MPDZ: variants seen among roughly 807,000 people sequenced by gnomAD.
MPDZ encodes the protein multiple PDZ domain protein.
Under a neutral mutation model 239.1 loss-of-function variants are expected in MPDZ, and 234 were observed. That is an observed-to-expected ratio of 0.98 (90% CI 0.88 to 1.09). MPDZ has a LOEUF of 1.09. Ranked by LOEUF, MPDZ falls within the 50% of genes least tolerant of loss-of-function variation. The probability of loss-of-function intolerance (pLI) is 0.00; values close to 1 mark genes in which losing one functional copy is unlikely to be tolerated. For missense variants in MPDZ, 3,175 were observed against 2,510.0 expected, an observed-to-expected ratio of 1.26 and a Z score of -5.66; for synonymous variants, 1,048 against 881.3, an observed-to-expected ratio of 1.19 and a Z score of -3.35.
At chr9:13,218,722 T>C (rs1958678952) in intron 8 of MPDZ, among the ~76,000 whole-genome samples, 3 of 152,018 alleles carry the variant, frequency 2.0e-5, no homozygotes, top group South Asian at 4.1e-4. Context: ...TTTACATCTA[T>C]GGGAAAAGAA....
At chr9:13,148,192 G>C (rs1272873082) in intron 25 of MPDZ, among the ~76,000 whole-genome samples, 2 of 152,056 alleles carry the variant, frequency 1.3e-5, no homozygotes, top group East Asian at 3.9e-4. Flanking sequence ...CAGTAGATAT[G>C]ACAGGAGCTG....
chr9:13,219,552 TACTTACCCGCA>T lies in MPDZ; in HGVS notation c.1082_1086+6del. ...GACTTTCACATTAACTACTCTTAAC[TACTTACCCGCA>T]ACTCTGGTGTTGAAGTTGGGGATGA... On this transcript the variant is annotated splice_donor_variant and splice_donor_5th_base_variant and coding_sequence_variant and intron_variant, in exon 8 of 47. Coordinates refer to ENST00000319217, the MANE Select transcript of MPDZ (RefSeq NM_001378778.1). LOFTEE classifies it high-confidence loss of function. 6.2e-7 allele frequency: 1 copy of T among 1,610,686 alleles called. No individual in the cohort carries two copies.
intron 3 of MPDZ, among the ~76,000 whole-genome samples, chr9:13,240,777 T>C (rs1426249587): frequency 1.3e-5 from 2 of 151,952 alleles, no homozygotes; most frequent in African/African-American, 4.8e-5. Flanking sequence ...GCAAAGTCTA[T>C]AGCACATAAG....
At position 13,137,065 on chromosome 9, in the gene MPDZ, C is replaced by A. The variant is rs549268956; in HGVS notation, c.4201-262G>T. ...GATAAAGAGGCACCACTTGGACCAA[C>A]TGCAGGAGAGTAGACAACAAATTTC... is the stretch of plus-strand genomic sequence containing the variant. On this transcript the variant is annotated intron_variant, in intron 29 of 46. Transcript: ENST00000319217. 8.5e-5 allele frequency among the ~76,000 whole-genome samples: 13 copies of A among 152,266 alleles called. 1 individual carries two copies. In the South Asian group the frequency reaches 1.7e-3, roughly 19 times the overall value.
Position 13,119,456 on chromosome 9 carries a change from T to A in MPDZ, c.5379+46A>T, listed in dbSNP as rs1943994837. The A allele has an allele frequency of 1.9e-6, 3 of 1,565,394 alleles. No individual in the cohort carries two copies. The African/African-American group carries it at 4.1e-5, about 22-fold the overall frequency. ...TGATAGCCCAATGTTAAAATTATCTTTTTTCTTCTACGCTATTACACAGAA... is the reference window on the plus strand; with the variant it reads ...TGATAGCCCAATGTTAAAATTATCTATTTTCTTCTACGCTATTACACAGAA... On this transcript the variant is annotated intron_variant, in intron 39 of 46. Coordinates refer to ENST00000319217, the MANE Select transcript of MPDZ (RefSeq NM_001378778.1).
At chr9:13,159,395 G>C (rs982317503) in intron 23 of MPDZ, among the ~76,000 whole-genome samples, 1 of 152,116 alleles carries the variant, frequency 6.6e-6, no homozygotes, top group Non-Finnish European at 1.5e-5. Flanking sequence ...TCTGACACTA[G>C]GGTAGGACTG....
rs1230672361 is a variant in MPDZ at position 13,183,581 on chromosome 9, C to A, written c.2486G>T (p.Gly829Val). The stretch of plus-strand genomic sequence containing the variant: ...ATCTACTAAGTCAGCATCATTTGTG[C>A]CCACCTAGAAACAAAACAATAATAT... ...PLFRADLALVGTNDADLVDES... is the reference protein window; with the variant it reads ...PLFRADLALVVTNDADLVDES... Residue 829 changes from glycine (G) to valine (V), a missense_variant, in exon 19 of 47, where the codon GGC (glycine) becomes GTC (valine). By Grantham distance (109) the Gly-to-Val change is moderately radical. Transcript: ENST00000319217. 1 of 1,611,336 alleles carries A rather than the reference C, an allele frequency of 6.2e-7. No homozygotes were observed. The highest frequency in any genetic ancestry group is 8.5e-7 in the Non-Finnish European group (1 of 1,178,532).
At chr9:13,223,844 C>G (rs1959630027) in intron 4 of MPDZ, 134 bp from the exon 5 acceptor site, 1 of 843,648 alleles carries the variant, frequency 1.2e-6, no homozygotes, top group Non-Finnish European at 1.7e-6. Flanking sequence ...CCAGACTGGG[C>G]TACATAATGT....
In MPDZ at chr9:13,109,094, T is replaced by C. The variant is rs191600957; in HGVS notation, c.5943-35A>G. On this transcript the variant is annotated intron_variant, in intron 45 of 46. Transcript: ENST00000319217. ...AGGAAAGGAAAAAGAGGTTTTAAAT[T>C]AAAAAAAAAAAACTATACATATATG... The C allele has an allele frequency of 2.4e-4, 232 of 984,198 alleles. No homozygotes were observed. In the East Asian group the frequency reaches 7.0e-3, roughly 30 times the overall value. The allele number at this position is 984,198 out of a possible 1,614,324, so 61.0% of individuals were successfully genotyped here.
In MPDZ at chr9:13,146,742, C is replaced by A. The variant is rs545460426; in HGVS notation, c.3741+806G>T. 2.6e-5 allele frequency among the ~76,000 whole-genome samples: 4 copies of A among 151,808 alleles called. No individual in the cohort carries two copies. The South Asian group carries it at 8.3e-4, about 31-fold the overall frequency. On this transcript the variant is annotated intron_variant, in intron 26 of 46. Transcript: ENST00000319217. Reference sequence around the variant, plus strand: ...AATCCAAAATACTTAATAACTGCTGCATGTGAATTTTTTTTTTCATGAGGC... The same window carrying A: ...AATCCAAAATACTTAATAACTGCTGAATGTGAATTTTTTTTTTCATGAGGC...
At chr9:13,126,416 C>T (rs1036524776) in intron 34 of MPDZ, 100 bp downstream of exon 34, 4 of 722,026 alleles carry the variant, frequency 5.5e-6, no homozygotes, top group African/African-American at 1.8e-5. Flanking sequence ...ATGTCTAATA[C>T]AGCTACATAA....
chr9:13,113,602 T>C (rs1586880907), intron 41 of MPDZ, among the ~76,000 whole-genome samples: 1 of 152,126 alleles, frequency 6.6e-6, no homozygotes, highest in African/African-American at 2.4e-5. Context: ...AAAAGAAGGC[T>C]TCACTTAATG....
At chr9:13,218,703 C>T (rs1156445363) in intron 8 of MPDZ, among the ~76,000 whole-genome samples, 2 of 151,740 alleles carry the variant, frequency 1.3e-5, no homozygotes, top group Non-Finnish European at 2.9e-5. Flanking sequence ...TAGAACAAAA[C>T]ATAGATTTTT....
intron 32 of MPDZ, 74 bp from the exon 33 acceptor site, chr9:13,126,846 A>G: frequency 7.9e-7 from 1 of 1,260,986 alleles, no homozygotes; most frequent in Non-Finnish European, 1.2e-6. Flanking sequence ...ACCAAGGGTA[A>G]GAAAAACAAC....
In MPDZ at chr9:13,112,108, T is replaced by C. The variant is rs1444635799; in HGVS notation, c.5640A>G (p.Gly1880=). Residue 1880 remains glycine, a synonymous_variant, in exon 43 of 47, where the codon GGA becomes GGG. Transcript: ENST00000319217. Reference sequence around the variant, plus strand: ...GCACATCACCAAGTGGGCTGCCTACTCCTCCAGCGATGCTGATTCCCAGTG... The same window carrying C: ...GCACATCACCAAGTGGGCTGCCTACCCCTCCAGCGATGCTGATTCCCAGTG... ...TDSLGISIAG[G]VGSPLGDVPI... 6 of 1,613,288 alleles carry C rather than the reference T, an allele frequency of 3.7e-6. No individual in the cohort carries two copies. Among genetic ancestry groups the C allele is most frequent in the Non-Finnish European group, 5.1e-6 (6 of 1,179,488 alleles).
Position 13,132,527 on chromosome 9 carries a change from G to C in MPDZ, c.4464+1297C>G, listed in dbSNP as rs181795431. ...AATCAGGTAGCCTAATGTGGAAATAGATGTGGAAACAGAAAACATCAGAGA... is the reference window on the plus strand; with the variant it reads ...AATCAGGTAGCCTAATGTGGAAATACATGTGGAAACAGAAAACATCAGAGA... On this transcript the variant is annotated intron_variant, in intron 32 of 46. Coordinates refer to ENST00000319217, the MANE Select transcript of MPDZ (RefSeq NM_001378778.1). Among the ~76,000 whole-genome samples, 550 of 152,276 alleles carry C rather than the reference G, an allele frequency of 3.6e-3. 3 individuals are homozygous for C. The highest frequency in any genetic ancestry group is 0.012 in the African/African-American group (511 of 41,566).
chr9:13,186,153 T>C lies in MPDZ; in HGVS notation c.2481+117A>G, dbSNP rs115838140. ...AACTAAGTTGGAGAAAACATGTTTATCTTTCCAAATATAATAATGAACAAA... is the reference window on the plus strand; with the variant it reads ...AACTAAGTTGGAGAAAACATGTTTACCTTTCCAAATATAATAATGAACAAA... On this transcript the variant is annotated intron_variant, in intron 18 of 46. Coordinates refer to ENST00000319217, the MANE Select transcript of MPDZ (RefSeq NM_001378778.1). 1.0e-5 allele frequency: 5 copies of C among 491,790 alleles called. 1 individual carries two copies. The South Asian group carries it at 3.8e-4, about 38-fold the overall frequency. The allele number at this position is 491,790 out of a possible 1,614,324, so 30.5% of individuals were successfully genotyped here.
intron 46 of MPDZ, among the ~76,000 whole-genome samples, chr9:13,108,624 A>C (rs2130984119): frequency 6.6e-6 from 1 of 152,316 alleles, no homozygotes; most frequent in South Asian, 2.1e-4. Flanking sequence ...TCCCATTTTC[A>C]AAAGACGATC....
intron 39 of MPDZ, among the ~76,000 whole-genome samples, chr9:13,116,231 T>G (rs1586905955): frequency 6.6e-6 from 1 of 152,094 alleles, no homozygotes; most frequent in Non-Finnish European, 1.5e-5. Context: ...AGAAGGTGTT[T>G]GAGATCCTGT....
Sources: gnomAD v4.1 joint callset for allele counts (sites outside exome capture counted in the v4.1 genomes callset) on GRCh38, gnomAD v4.1.1 for gene constraint, MANE v1.5 for transcripts, NCBI Gene and HGNC (gene_info 2026-07-23, HGNC 2026-07-21) for gene names.